RAI1: variants seen among roughly 807,000 people sequenced by gnomAD.
RAI1 encodes retinoic acid induced 1.
A neutral mutation model predicts 123.8 loss-of-function variants in RAI1; 9 were observed. That is an observed-to-expected ratio of 0.07 (90% CI 0.04 to 0.13). RAI1 has a LOEUF of 0.13. Among genes scored for constraint, RAI1 ranks in the 10% least tolerant of loss-of-function variants. The probability of loss-of-function intolerance (pLI) is 1.00; values close to 1 mark genes in which losing one functional copy is unlikely to be tolerated. For missense variants in RAI1, 2,256 were observed against 2,545.8 expected (o/e 0.89, Z 2.45); for synonymous variants, 1,231 against 1,127.3 (o/e 1.09, Z -1.84).
At chr17:17,746,550 C>T (rs930151749) in intron 2 of RAI1, among the ~76,000 whole-genome samples, 2 of 152,212 alleles carry the variant, frequency 1.3e-5, no homozygotes, top group African/African-American at 4.8e-5. Context: ...GTCACTGCCT[C>T]CCCCAAGGAT....
chr17:17,762,703 G>T (rs1460624341), intron 2 of RAI1, among the ~76,000 whole-genome samples: 1 of 152,142 alleles, frequency 6.6e-6, no homozygotes, highest in Non-Finnish European at 1.5e-5. Context: ...TGGGGGACTT[G>T]TCGGGAGGGG....
Position 17,795,970 on chromosome 17 carries a change from C to G in RAI1, c.3022C>G (p.Pro1008Ala), listed in dbSNP as rs1278664596. Residue 1008 changes from proline (P) to alanine (A), a missense_variant, in exon 3 of 6, where the codon CCC becomes GCC. Coordinates refer to ENST00000353383, the MANE Select transcript of RAI1 (RefSeq NM_030665.4). This position sits in a 1 kb window ranked among gnomAD's most constrained non-coding sequence, Gnocchi z 5.9. ...LRSRRVHRGL[P>A]EAEDSPCRAP... Reference sequence around the variant, plus strand: ...GAGCCGTCGGGTGCACCGGGGGCTGCCCGAGGCCGAGGACTCCCCATGCAG... The same window carrying G: ...GAGCCGTCGGGTGCACCGGGGGCTGGCCGAGGCCGAGGACTCCCCATGCAG... 2 of 1,602,586 alleles carry G rather than the reference C, an allele frequency of 1.2e-6. No homozygotes were observed. Among genetic ancestry groups the G allele is most frequent in the Non-Finnish European group, 1.7e-6 (2 of 1,176,980 alleles).
chr17:17,686,299 G>C (rs1914631110), intron 1 of RAI1, among the ~76,000 whole-genome samples: 1 of 147,736 alleles, frequency 6.8e-6, no homozygotes. Context: ...CTTTAGATGA[G>C]TGGGGTGAGG....
At chr17:17,739,182 T>C (rs1916536070) in intron 2 of RAI1, among the ~76,000 whole-genome samples, 2 of 152,156 alleles carry the variant, frequency 1.3e-5, no homozygotes, top group Admixed American at 6.5e-5. Context: ...AAAGGCTCTC[T>C]TGAAAACCGT....
At chr17:17,744,789 C>CAA (rs58984430) in intron 2 of RAI1, among the ~76,000 whole-genome samples, 171 of 45,584 alleles carry the variant, frequency 3.8e-3, no homozygotes, top group Middle Eastern at 0.026. Flanking sequence ...GACTCCGTCT[C>CAA]AAAAAAAAAA....
chr17:17,808,514 C>CT (rs1188568618), intron 4 of RAI1, among the ~76,000 whole-genome samples: 2 of 151,434 alleles, frequency 1.3e-5, no homozygotes, highest in Non-Finnish European at 2.9e-5. Context: ...GTGGTACAAT[C>CT]ACAGCTCACT....
At chr17:17,682,898 A>G (rs1366253522) in intron 1 of RAI1, among the ~76,000 whole-genome samples, 1 of 151,930 alleles carries the variant, frequency 6.6e-6, no homozygotes, top group Non-Finnish European at 1.5e-5. Context: ...CGAGTGTAAC[A>G]ATGCGCCGGT....
chr17:17,756,278 AC>A (rs1828231232), intron 2 of RAI1, among the ~76,000 whole-genome samples: 1 of 150,340 alleles, frequency 6.7e-6, no homozygotes, highest in Non-Finnish European at 1.5e-5. Context: ...GCTCACCGCA[AC>A]CTCTGCCTCC....
intron 1 of RAI1, among the ~76,000 whole-genome samples, chr17:17,710,517 C>A (rs924530672): frequency 1.2e-4 from 18 of 152,238 alleles, no homozygotes; most frequent in Admixed American, 1.1e-3. Flanking sequence ...CAGAGGCTGC[C>A]AGTGGTGGCC....
intron 1 of RAI1, among the ~76,000 whole-genome samples, chr17:17,690,151 G>A (rs1161372615): frequency 2.0e-5 from 3 of 152,230 alleles, no homozygotes; most frequent in African/African-American, 7.2e-5. Context: ...TTGGGAGGCC[G>A]AGGTGAGTGG....
intron 2 of RAI1, among the ~76,000 whole-genome samples, chr17:17,756,405 C>T (rs565708033): frequency 6.6e-6 from 1 of 152,252 alleles, no homozygotes; most frequent in African/African-American, 2.4e-5. Flanking sequence ...CCATGTTGGT[C>T]AGGCTGGTCT....
Position 17,797,603 on chromosome 17 carries a change from C to A in RAI1, c.4655C>A (p.Pro1552His), listed in dbSNP as rs761217993. Residue 1552 changes from proline to histidine, a missense_variant, in exon 3 of 6, where the codon CCC (proline) becomes CAC (histidine). Coordinates refer to ENST00000353383, the MANE Select transcript of RAI1 (RefSeq NM_030665.4). ...CGGGCCAAGAACACCACCTCTTCAC[C>A]CTGTAAGGGGCGTGCCAAGCGACGA... ...RGRAKNTTSSPCKGRAKRRRQ... is the reference protein window; with the variant it reads ...RGRAKNTTSSHCKGRAKRRRQ... The A allele has an allele frequency of 6.2e-7, 1 of 1,614,014 alleles. No individual in the cohort carries two copies. The highest frequency in any genetic ancestry group is 1.1e-5 in the South Asian group (1 of 91,086).
chr17:17,795,426 G>A lies in RAI1; in HGVS notation c.2478G>A (p.Leu826=), dbSNP rs145643937. 7.5e-6 allele frequency: 12 copies of A among 1,590,030 alleles called. No individual in the cohort carries two copies. The African/African-American group carries it at 1.5e-4, about 20-fold the overall frequency. ...GGVKEEAGGL[L]QCPEVAKADR... ...TGAAGGAGGAGGCAGGTGGGCTGCT[G>A]CAGTGCCCCGAGGTGGCCAAGGCTG... is the stretch of plus-strand genomic sequence containing the variant. Residue 826 remains leucine, a synonymous_variant, in exon 3 of 6, where the codon CTG becomes CTA. Coordinates refer to ENST00000353383, the MANE Select transcript of RAI1 (RefSeq NM_030665.4). This position sits in a 1 kb window ranked among gnomAD's most constrained non-coding sequence, Gnocchi z 5.9.
intron 1 of RAI1, among the ~76,000 whole-genome samples, chr17:17,708,392 C>G (rs1007156997): frequency 6.7e-6 from 1 of 149,430 alleles, no homozygotes; most frequent in African/African-American, 2.5e-5. Context: ...TTCCTGTCCT[C>G]TCTTCTCATA....
At chr17:17,781,248 T>C (rs1022056691) in intron 2 of RAI1, among the ~76,000 whole-genome samples, 3 of 152,218 alleles carry the variant, frequency 2.0e-5, no homozygotes, top group Non-Finnish European at 4.4e-5. Flanking sequence ...TTCCGTCCTC[T>C]GTGCTGCAGC....
At chr17:17,702,711 GCACCTC>G (rs1567832756) in intron 1 of RAI1, among the ~76,000 whole-genome samples, 2 of 152,234 alleles carry the variant, frequency 1.3e-5, no homozygotes, top group Non-Finnish European at 2.9e-5. Context: ...CAGGGGTTTA[GCACCTC>G]CCTGCCAGGC....
At chr17:17,766,747 C>T (rs1203808274) in intron 2 of RAI1, among the ~76,000 whole-genome samples, 1 of 152,238 alleles carries the variant, frequency 6.6e-6, no homozygotes, top group African/African-American at 2.4e-5. Flanking sequence ...CATGTGATGG[C>T]CACAGCCTGG....
rs1276974273 is a variant in RAI1, at chr17:17,798,270, G to A, written c.5322G>A (p.Arg1774=). The change falls in exon 3 of 6, where the codon CGG becomes CGA. Residue 1774 remains arginine, a synonymous_variant. Coordinates refer to ENST00000353383, the MANE Select transcript of RAI1 (RefSeq NM_030665.4). The part of the protein sequence containing the change: ...AKQGPLRTSA[R]GLSRRLQSCY... Reference sequence around the variant, plus strand: ...AGGGCCCACTGCGCACCAGTGCCCGGGGCCTGTCCCGGAGGCTGCAGAGCT... The same window carrying A: ...AGGGCCCACTGCGCACCAGTGCCCGAGGCCTGTCCCGGAGGCTGCAGAGCT... The A allele has an allele frequency of 1.2e-6, 2 of 1,601,728 alleles. No individual in the cohort carries two copies. Among genetic ancestry groups the A allele is most frequent in the Non-Finnish European group, 1.7e-6 (2 of 1,173,718 alleles).
At chr17:17,727,541 G>A (rs1358031781) in intron 2 of RAI1, among the ~76,000 whole-genome samples, 1 of 152,178 alleles carries the variant, frequency 6.6e-6, no homozygotes, top group African/African-American at 2.4e-5. Context: ...GGGATCTGGC[G>A]GCTACAGGCT....
Sources: gnomAD v4.1 joint callset for allele counts (sites outside exome capture counted in the v4.1 genomes callset) on GRCh38, gnomAD v4.1.1 for gene constraint, Gnocchi (gnomAD v3.1) non-coding constraint, MANE v1.5 for transcripts, NCBI Gene and HGNC (gene_info 2026-07-23, HGNC 2026-07-21) for gene names.